The following BRMS1 variants were observed in gnomAD, a reference collection of about 807,000 sequenced individuals.
BRMS1 encodes breast cancer metastasis-suppressor 1.
BRMS1 carries 26 observed loss-of-function variants against 40.4 expected under a neutral mutation model. The observed-to-expected ratio is 0.64, with a 90% CI of 0.47 to 0.89. The LOEUF is 0.89. Among genes scored for constraint, BRMS1 ranks in the 40% least tolerant of loss-of-function variants. BRMS1 has a pLI of 0.00. For missense variants in BRMS1, 289 were observed against 309.4 expected, an observed-to-expected ratio of 0.93 and a Z score of 0.49; for synonymous variants, 103 against 116.0, an observed-to-expected ratio of 0.89 and a Z score of 0.72.
At chr11:66,339,175 C>A (rs973086087) in intron 7 of BRMS1, among the ~76,000 whole-genome samples, 2 of 152,224 alleles carry the variant, frequency 1.3e-5, no homozygotes, top group Admixed American at 6.5e-5. Context: ...TCCATGCCTT[C>A]ACCTTCCATT....
At chr11:66,343,716 C>T (rs1855137950) in intron 1 of BRMS1, among the ~76,000 whole-genome samples, 1 of 152,082 alleles carries the variant, frequency 6.6e-6, no homozygotes, top group African/African-American at 2.4e-5. Context: ...GGGATTTGGT[C>T]GTCAGCATAC....
rs1855091685 is a variant in BRMS1, at chr11:66,341,921, G to T, written c.139+175C>A. Reference sequence around the variant, plus strand: ...GTAGGGGCTGTGTGTGCGTGCTTGTGTGTAGGGGCTGTGTGTGCGTGTGTG... The same window carrying T: ...GTAGGGGCTGTGTGTGCGTGCTTGTTTGTAGGGGCTGTGTGTGCGTGTGTG... On this transcript the variant is annotated intron_variant, in intron 2 of 9. Coordinates refer to ENST00000359957, the MANE Select transcript of BRMS1 (RefSeq NM_015399.4). The surrounding 1 kb of genome is among the most constrained non-coding windows in gnomAD (Gnocchi z 4.9). The T allele has an allele frequency of 2.7e-6, 2 of 741,568 alleles. No individual in the cohort carries two copies. Among genetic ancestry groups the T allele is most frequent in the South Asian group, 1.7e-5 (1 of 58,230 alleles). 45.9% of individuals were successfully genotyped at this position (741,568 alleles called of 1,614,324 possible).
chr11:66,338,059 GC>G lies in BRMS1; in HGVS notation c.734-171del, dbSNP rs748202232. On this transcript the variant is annotated intron_variant, in intron 9 of 9. Coordinates refer to ENST00000359957, the MANE Select transcript of BRMS1 (RefSeq NM_015399.4). ...GCTCCATCAACCCAGAGCTTCCCCA[GC>G]CCCATCCTGGTTCCTGCTCCTCAAA... Among the ~76,000 whole-genome samples, 5 of 152,296 alleles carry G rather than the reference GC, an allele frequency of 3.3e-5. No homozygotes were observed. The South Asian group carries it at 1.0e-3, about 32-fold the overall frequency.
In BRMS1 at chr11:66,337,782, C is replaced by T. The variant is rs769262180; in HGVS notation, c.*100G>A. 1.5e-5 allele frequency: 24 copies of T among 1,613,672 alleles called. No homozygotes were observed. In the African/African-American group the frequency reaches 2.9e-4, roughly 20 times the overall value. ...ACCACAGGAGCCTGGCTGGGCAGAC[C>T]CTGAGGGGCCTGTGGGTCCGCCTGT... On this transcript the variant is annotated 3_prime_UTR_variant, in exon 10 of 10. Transcript: ENST00000359957.
At chr11:66,339,899 G>A in intron 7 of BRMS1, 1 of 470,712 alleles carries the variant, frequency 2.1e-6, no homozygotes, top group East Asian at 3.3e-5. Context: ...ACGGAGCCCA[G>A]CCCGTTTCTG....
rs749417187 is a variant in BRMS1 at position 66,341,221 on chromosome 11, G to C, written c.343C>G (p.Arg115Gly). Residue 115 changes from arginine (R) to glycine (G), a missense_variant, in exon 4 of 10, where the codon CGC (arginine) becomes GGC (glycine). Physicochemically the swap from Arg to Gly is moderately radical, Grantham distance 125. Transcript: ENST00000359957. The surrounding 1 kb of genome is among the most constrained non-coding windows in gnomAD (Gnocchi z 4.9). ...ACCCACAGACCTGCCACCTGAATGC[G>C]AATCTTGAGGCTCCGCTGCAGCCCC... ...LGGLQRSLKIRIQVAGIYKGF... is the reference protein window; with the variant it reads ...LGGLQRSLKIGIQVAGIYKGF... 1 of 1,611,994 alleles carries C rather than the reference G, an allele frequency of 6.2e-7. No homozygotes were observed. The highest frequency in any genetic ancestry group is 1.3e-5 in the African/African-American group (1 of 74,876).
Position 66,345,057 on chromosome 11 carries a change from C to A in BRMS1, c.-93G>T, listed in dbSNP as rs373195934. On this transcript the variant is annotated 5_prime_UTR_variant, in exon 1 of 10. Coordinates refer to ENST00000359957, the MANE Select transcript of BRMS1 (RefSeq NM_015399.4). ...CGGTACCGGCTGCTGCCGCCGGACT[C>A]CCGTAGGCGCTGCGCGGCTCCCTTT... The A allele has an allele frequency of 2.4e-4, 37 of 152,392 alleles. No individual in the cohort carries two copies. In the East Asian group the frequency reaches 2.5e-3, roughly 10 times the overall value. 9.4% of individuals were successfully genotyped at this position (152,392 alleles called of 1,614,324 possible).
chr11:66,340,753 T>C (rs1336378062), intron 6 of BRMS1, 21 bp downstream of exon 6: 1 of 1,600,098 alleles, frequency 6.2e-7, no homozygotes, highest in Admixed American at 1.7e-5. Flanking sequence ...AGTTCCGGGG[T>C]GCCCAGGCTC....
At chr11:66,340,379 C>T (rs1291539964) in intron 6 of BRMS1, among the ~76,000 whole-genome samples, 166 bp from the exon 7 acceptor site, 2 of 152,160 alleles carry the variant, frequency 1.3e-5, no homozygotes, top group Admixed American at 1.3e-4. Flanking sequence ...CCTGCCTGCA[C>T]AGCTGCACAA....
At chr11:66,343,957 C>T (rs999360490) in intron 1 of BRMS1, among the ~76,000 whole-genome samples, 6 of 152,208 alleles carry the variant, frequency 3.9e-5, no homozygotes, top group African/African-American at 1.4e-4. Flanking sequence ...AGAAAACAGT[C>T]CTCTCAGCAG....
Position 66,337,861 on chromosome 11 carries a change from C to A in BRMS1, c.*21G>T. On this transcript the variant is annotated 3_prime_UTR_variant, in exon 10 of 10. Coordinates refer to ENST00000359957, the MANE Select transcript of BRMS1 (RefSeq NM_015399.4). ...GCAGTGCCAGCTGCTCTGAGGGTCC[C>A]CCTGGCTGTGAACAGCAGGGTCAAG... 2 of 1,614,124 alleles carry A rather than the reference C, an allele frequency of 1.2e-6. No individual in the cohort carries two copies. The highest frequency in any genetic ancestry group is 1.6e-4 in the Middle Eastern group (1 of 6,062).
rs754725909 is a variant in BRMS1, at chr11:66,340,076, C to T, written c.628+45G>A. 22 of 1,558,234 alleles carry T rather than the reference C, an allele frequency of 1.4e-5. No individual in the cohort carries two copies. The Admixed American group carries it at 3.7e-4, about 26-fold the overall frequency. ...CCCCTCCCCTGGGTCTGGAGTTGACCCTTACATCCTGCCCACTTTTAGGCC... is the reference window on the plus strand; with the variant it reads ...CCCCTCCCCTGGGTCTGGAGTTGACTCTTACATCCTGCCCACTTTTAGGCC... On this transcript the variant is annotated intron_variant, in intron 7 of 9. Transcript: ENST00000359957.
At chr11:66,339,826 TC>T (rs1313252343) in intron 7 of BRMS1, 1 of 312,982 alleles carries the variant, frequency 3.2e-6, no homozygotes, top group African/African-American at 2.1e-5. Flanking sequence ...CGAAAAGAAC[TC>T]CTGGGCCCGA....
chr11:66,341,639 A>G lies in BRMS1; in HGVS notation c.140-16T>C. 1.2e-6 allele frequency: 2 copies of G among 1,611,628 alleles called. No homozygotes were observed. The highest frequency in any genetic ancestry group is 1.7e-6 in the Non-Finnish European group (2 of 1,177,990). On this transcript the variant is annotated splice_polypyrimidine_tract_variant and intron_variant, in intron 2 of 9. Transcript: ENST00000359957. This position sits in a 1 kb window ranked among gnomAD's most constrained non-coding sequence, Gnocchi z 4.9. Reference sequence around the variant, plus strand: ...TCATCCATCTCTGGGACAAGAGGCCAGTAAGGGCTAGCTCTGGGGAGGAGT... The same window carrying G: ...TCATCCATCTCTGGGACAAGAGGCCGGTAAGGGCTAGCTCTGGGGAGGAGT...
In BRMS1 at chr11:66,341,201, C is replaced by A. The variant is rs767960060; in HGVS notation, c.358+5G>T. The A allele has an allele frequency of 1.2e-6, 2 of 1,611,768 alleles. No individual in the cohort carries two copies. Among genetic ancestry groups the A allele is most frequent in the East Asian group, 4.5e-5 (2 of 44,788 alleles). ...GGGGAAGAGGGTACAGAACCACCCA[C>A]AGACCTGCCACCTGAATGCGAATCT... On this transcript the variant is annotated splice_donor_5th_base_variant and intron_variant, in intron 4 of 9. Transcript: ENST00000359957. The surrounding 1 kb of genome is among the most constrained non-coding windows in gnomAD (Gnocchi z 4.9).
At chr11:66,343,923 C>G (rs1855145349) in intron 1 of BRMS1, among the ~76,000 whole-genome samples, 1 of 152,208 alleles carries the variant, frequency 6.6e-6, no homozygotes, top group South Asian at 2.1e-4. Context: ...GTGCCAAGTA[C>G]TGCCAAGAGA....
intron 1 of BRMS1, among the ~76,000 whole-genome samples, chr11:66,343,102 C>T (rs1321039507): frequency 1.3e-5 from 2 of 152,224 alleles, no homozygotes; most frequent in African/African-American, 4.8e-5. Flanking sequence ...CAAAACCTCA[C>T]CCATTCCACC....
At chr11:66,343,438 T>A (rs1006456471) in intron 1 of BRMS1, among the ~76,000 whole-genome samples, 15 of 152,274 alleles carry the variant, frequency 9.9e-5, no homozygotes, top group Non-Finnish European at 2.1e-4. Flanking sequence ...TCACGGAGTT[T>A]ACAAGTTCCT....
Position 66,340,882 on chromosome 11 carries a change from G to T in BRMS1, c.439-12C>A. 3 of 1,613,952 alleles carry T rather than the reference G, an allele frequency of 1.9e-6. No individual in the cohort carries two copies. The highest frequency in any genetic ancestry group is 2.5e-6 in the Non-Finnish European group (3 of 1,179,886). On this transcript the variant is annotated splice_polypyrimidine_tract_variant and intron_variant, in intron 5 of 9. Coordinates refer to ENST00000359957, the MANE Select transcript of BRMS1 (RefSeq NM_015399.4). ...AGCAGCTTCTCACTCTGGAAGAGGG[G>T]GCAATAGCTCAGCAGGACGGATGGG...
Sources: allele counts gnomAD v4.1 joint callset (sites outside exome capture counted in the v4.1 genomes callset), GRCh38; gene constraint gnomAD v4.1.1; non-coding constraint Gnocchi (gnomAD v3.1); transcripts MANE v1.5; gene names NCBI Gene and HGNC (gene_info 2026-07-23, HGNC 2026-07-21).